Variants in EXTL3 observed in about 807,000 individuals in gnomAD.
EXTL3 encodes exostosin-like 3.
Under a neutral mutation model 69.3 loss-of-function variants are expected in EXTL3, and 27 were observed. The observed-to-expected ratio is 0.39, with a 90% CI of 0.29 to 0.54. EXTL3 has a LOEUF of 0.54. EXTL3 is among the 20% of genes least tolerant of loss of function. EXTL3 has a pLI of 0.69. For missense variants in EXTL3, 1,003 were observed against 1,231.8 expected (o/e 0.81, Z 2.78); for synonymous variants, 511 against 499.4 (o/e 1.02, Z -0.31).
intron 6 of EXTL3, among the ~76,000 whole-genome samples, chr8:28,748,506 C>G (rs987936858): frequency 2.6e-5 from 4 of 151,890 alleles, no homozygotes; most frequent in African/African-American, 9.7e-5. Context: ...AAGAGAATTG[C>G]CAGAAAGGAA....
intron 6 of EXTL3, among the ~76,000 whole-genome samples, chr8:28,746,961 A>G (rs1381701931): frequency 1.3e-5 from 2 of 152,056 alleles, no homozygotes; most frequent in African/African-American, 4.8e-5. Context: ...GGTGTGAGCC[A>G]CCGCACCCAG....
At chr8:28,631,199 A>C (rs1056772502) in intron 1 of EXTL3, among the ~76,000 whole-genome samples, 4 of 150,066 alleles carry the variant, frequency 2.7e-5, no homozygotes, top group Non-Finnish European at 5.9e-5. Flanking sequence ...GCCTCCCTTG[A>C]ATATAATTTT....
intron 6 of EXTL3, among the ~76,000 whole-genome samples, chr8:28,748,239 CA>C (rs1474093884): frequency 6.6e-6 from 1 of 151,880 alleles, no homozygotes; most frequent in Non-Finnish European, 1.5e-5. Context: ...GGTGTGGTGG[CA>C]GGCGCCTGTA....
chr8:28,607,962 T>G (rs1479827010), intron 2 of EXTL3, among the ~76,000 whole-genome samples: 1 of 151,742 alleles, frequency 6.6e-6, no homozygotes, highest in Non-Finnish European at 1.5e-5. Context: ...TACAAAAAAT[T>G]AGCCAGGCGT....
At chr8:28,632,551 A>G (rs963045945) in intron 1 of EXTL3, among the ~76,000 whole-genome samples, 5 of 142,516 alleles carry the variant, frequency 3.5e-5, no homozygotes, top group Non-Finnish European at 7.6e-5. Context: ...TATCTCATTT[A>G]TTCTTTTTTT....
chr8:28,716,381 G>A lies in EXTL3; in HGVS notation c.322G>A (p.Ala108Thr), dbSNP rs199979119. 24 of 1,613,796 alleles carry A rather than the reference G, an allele frequency of 1.5e-5. No individual in the cohort carries two copies. Among genetic ancestry groups the A allele is most frequent in the African/African-American group, 8.0e-5 (6 of 75,054 alleles). Residue 108 changes from alanine (A) to threonine (T), a missense_variant, in exon 3 of 7, where the codon GCC becomes ACC. By Grantham distance (58) the Ala-to-Thr change is moderately conservative (BLOSUM62 0). Around this residue, in one of 2 missense-constraint regions of EXTL3, gnomAD observed 742 missense variants for 815.4 expected, o/e 0.91. Coordinates refer to ENST00000220562, the MANE Select transcript of EXTL3 (RefSeq NM_001440.4). The surrounding 1 kb of genome is among the most constrained non-coding windows in gnomAD (Gnocchi z 7.1). ...AKRQELNSEI[A>T]KLNLKIEACK... Reference sequence around the variant, plus strand: ...GCGCCAAGAGCTGAACAGCGAGATCGCCAAGCTGAATCTGAAGATCGAAGC... The same window carrying A: ...GCGCCAAGAGCTGAACAGCGAGATCACCAAGCTGAATCTGAAGATCGAAGC...
intron 1 of EXTL3, among the ~76,000 whole-genome samples, chr8:28,670,675 C>A (rs891955177): frequency 1.3e-5 from 2 of 152,218 alleles, no homozygotes; most frequent in Non-Finnish European, 2.9e-5. Context: ...TCATACTCAG[C>A]CATTTTGTTC....
intron 5 of EXTL3, chr8:28,740,253 G>T (rs1000140535): frequency 6.6e-6 from 1 of 152,302 alleles, no homozygotes; most frequent in East Asian, 1.9e-4. Context: ...GCGCTTACCT[G>T]CCTGTGGCTC....
intron 5 of EXTL3, chr8:28,740,248 T>C (rs743676): frequency 0.35 from 53,919 of 152,144 alleles, 10,521 homozygotes; most frequent in African/African-American, 0.53. Context: ...TTCATGCGCT[T>C]ACCTGCCTGT....
In EXTL3 at chr8:28,753,225, C is replaced by A. The variant is rs976909566; in HGVS notation, c.*2359C>A. The A allele has an allele frequency of 1.9e-4, 29 of 152,260 alleles. No individual in the cohort carries two copies. The highest frequency in any genetic ancestry group is 6.8e-4 in the African/African-American group (28 of 41,480). The allele number at this position is 152,260 out of a possible 1,614,324, so 9.4% of individuals were successfully genotyped here. On this transcript the variant is annotated 3_prime_UTR_variant, in exon 7 of 7. Coordinates refer to ENST00000220562, the MANE Select transcript of EXTL3 (RefSeq NM_001440.4). ...AGTGTCACTGGTCAGGTGCTTCTCA[C>A]CACGGGAAAGCCGCCGACCTGTGAC...
chr8:28,646,878 C>T (rs1806839050), intron 1 of EXTL3, among the ~76,000 whole-genome samples: 1 of 152,154 alleles, frequency 6.6e-6, no homozygotes, highest in Non-Finnish European at 1.5e-5. Flanking sequence ...AGTAAATTCT[C>T]AACAAATTAC....
intron 1 of EXTL3, among the ~76,000 whole-genome samples, chr8:28,653,255 G>A (rs1329782706): frequency 2.0e-5 from 3 of 151,934 alleles, no homozygotes; most frequent in Non-Finnish European, 2.9e-5. Context: ...AGTTTTTTAC[G>A]TATTCTGGAC....
At chr8:28,630,666 C>A (rs1337259988) in intron 1 of EXTL3, among the ~76,000 whole-genome samples, 4 of 152,216 alleles carry the variant, frequency 2.6e-5, no homozygotes, top group Non-Finnish European at 5.9e-5. Context: ...TGTTTTCATT[C>A]AGCACTTTTA....
At chr8:28,686,507 T>G (rs569673085) in intron 1 of EXTL3, among the ~76,000 whole-genome samples, 6 of 152,030 alleles carry the variant, frequency 3.9e-5, no homozygotes, top group Non-Finnish European at 7.4e-5. Context: ...CGTATGTACA[T>G]GAAGTGGCTG....
chr8:28,688,060 C>CTTTT (rs149041444), intron 1 of EXTL3, among the ~76,000 whole-genome samples: 1 of 131,942 alleles, frequency 7.6e-6, no homozygotes, highest in Non-Finnish European at 1.6e-5. Flanking sequence ...GAAGAGATGA[C>CTTTT]TTTTTTTTTT....
At position 28,675,501 on chromosome 8, in the gene EXTL3, A is replaced by G. The variant is rs1807366737; in HGVS notation, c.-52-37956A>G. ...TCGGTCCTCTCTTGCAGTAGTGCCCAGCTACACTCTTCTATCTAATAAAAC... is the reference window on the plus strand; with the variant it reads ...TCGGTCCTCTCTTGCAGTAGTGCCCGGCTACACTCTTCTATCTAATAAAAC... On this transcript the variant is annotated intron_variant, in intron 1 of 6. Coordinates refer to the EXTL3 transcript ENST00000523149. 6.6e-5 allele frequency among the ~76,000 whole-genome samples: 10 copies of G among 152,184 alleles called. No homozygotes were observed. In the South Asian group the frequency reaches 2.1e-3, roughly 31 times the overall value.
At chr8:28,725,246 G>C (rs1801389071) in intron 3 of EXTL3, among the ~76,000 whole-genome samples, 1 of 152,084 alleles carries the variant, frequency 6.6e-6, no homozygotes, top group East Asian at 1.9e-4. Flanking sequence ...TCCAGGCCAC[G>C]ATTGCTGTCC....
In EXTL3 at chr8:28,649,207, G is replaced by A. The variant is rs182319602; in HGVS notation, c.-53+26397G>A. ...GCATATGCCACTGTGCTCCACATAAGTCATATTCATGTGTCATTTCCTTGT... is the reference window on the plus strand; with the variant it reads ...GCATATGCCACTGTGCTCCACATAAATCATATTCATGTGTCATTTCCTTGT... On this transcript the variant is annotated intron_variant, in intron 1 of 6. Transcript: ENST00000523149. Among the ~76,000 whole-genome samples the A allele has an allele frequency of 1.7e-3, 264 of 152,244 alleles. 2 individuals carry two copies. Among genetic ancestry groups the A allele is most frequent in the Admixed American group, 3.9e-3 (60 of 15,284 alleles).
chr8:28,666,547 G>T (rs896692983), intron 1 of EXTL3, among the ~76,000 whole-genome samples: 1 of 151,878 alleles, frequency 6.6e-6, no homozygotes, highest in Middle Eastern at 3.4e-3. Context: ...GACTATAGGC[G>T]TGCTTACGCC....
Sources: gnomAD v4.1 joint callset for allele counts (sites outside exome capture counted in the v4.1 genomes callset) on GRCh38, gnomAD v4.1.1 for gene constraint, gnomAD v4.1.1 regional missense constraint, Gnocchi (gnomAD v3.1) non-coding constraint, MANE v1.5 for transcripts, NCBI Gene and HGNC (gene_info 2026-07-23, HGNC 2026-07-21) for gene names.